The following BMX variants were observed in gnomAD, a reference collection of about 807,000 sequenced individuals.
BMX encodes the protein cytoplasmic tyrosine-protein kinase BMX.
A neutral mutation model predicts 59.2 loss-of-function variants in BMX; 31 were observed. The ratio of observed to expected loss-of-function variants is 0.52; its 90% CI spans 0.39 to 0.71. The LOEUF is 0.71. BMX is among the 30% of genes least tolerant of loss of function. The pLI is 0.00. For missense variants in BMX, 474 were observed against 491.7 expected (o/e 0.96, Z 0.34); for synonymous variants, 185 against 181.0 (o/e 1.02, Z -0.18).
At chrX:15,511,587 G>A in intron 4 of BMX, 69 bp downstream of exon 4, 24 of 889,291 alleles carry the variant, frequency 2.7e-5, no homozygotes, top group Non-Finnish European at 3.8e-5. Flanking sequence ...CGTTTTTTGA[G>A]GCTTGGTGGA....
chrX:15,505,458 C>A (rs1210772747), intron 1 of BMX, among the ~76,000 whole-genome samples: 1 of 111,723 alleles, frequency 9.0e-6, no homozygotes, highest in East Asian at 2.8e-4. Flanking sequence ...CAACATATTA[C>A]GGACTCAAGT....
chrX:15,541,588 A>G (rs1925685879), intron 14 of BMX, among the ~76,000 whole-genome samples: 1 of 111,835 alleles, frequency 8.9e-6, no homozygotes, highest in African/African-American at 3.2e-5. Flanking sequence ...TTTAGATGTG[A>G]AAGTTAATAA....
chrX:15,534,212 T>C lies in BMX; in HGVS notation c.1020T>C (p.Asn340=), dbSNP rs1601651847. The change falls in exon 12 of 19, where the codon AAT becomes AAC. Residue 340 remains asparagine, a splice_region_variant and synonymous_variant. Coordinates refer to ENST00000348343, the MANE Select transcript of BMX (RefSeq NM_203281.3). ...YTVSLFSKAV[N]DKKGTVKHYH... The stretch of plus-strand genomic sequence containing the variant: ...GTTCTAACATTCTTTCTGTTACTAG[T>C]GATAAAAAAGGAACTGTCAAACATT... 4 of 1,151,954 alleles carry C rather than the reference T, an allele frequency of 3.5e-6. No homozygotes were observed. The highest frequency in any genetic ancestry group is 2.6e-5 in the Admixed American group (1 of 38,398). The allele number at this position is 1,151,954 out of a possible 1,213,427, so 94.9% of individuals were successfully genotyped here.
At chrX:15,504,141 A>G (rs919211310) in intron 1 of BMX, among the ~76,000 whole-genome samples, 2 of 112,390 alleles carry the variant, frequency 1.8e-5, no homozygotes, top group African/African-American at 6.5e-5. Flanking sequence ...TACCTTAAGG[A>G]AAAAACAACT....
intron 18 of BMX, among the ~76,000 whole-genome samples, chrX:15,552,422 T>C (rs1926242187): frequency 8.9e-6 from 1 of 112,227 alleles, no homozygotes; most frequent in Admixed American, 9.4e-5. Context: ...CACTTTTGAA[T>C]AATGTTCTTT....
intron 3 of BMX, among the ~76,000 whole-genome samples, chrX:15,510,204 G>A (rs1192921061): frequency 1.8e-5 from 2 of 111,451 alleles, no homozygotes; most frequent in Non-Finnish European, 3.8e-5. Flanking sequence ...TTTTGGAAGT[G>A]GCCTAATCTA....
chrX:15,516,878 T>C (rs1924183697), intron 5 of BMX, among the ~76,000 whole-genome samples: 1 of 111,445 alleles, frequency 9.0e-6, no homozygotes, highest in Non-Finnish European at 1.9e-5. Context: ...GAGGGACTTA[T>C]ATGTATTTAA....
At chrX:15,509,500 A>C in intron 3 of BMX, 67 bp downstream of exon 3, 1 of 687,419 alleles carries the variant, frequency 1.5e-6, no homozygotes, top group Non-Finnish European at 2.1e-6. Context: ...CGTGAACTCA[A>C]TATATCTAGG....
chrX:15,527,151 G>A lies in BMX; in HGVS notation c.884+1056G>A, dbSNP rs780822157. On this transcript the variant is annotated intron_variant, in intron 9 of 18. Transcript: ENST00000348343. The stretch of plus-strand genomic sequence containing the variant: ...ACCTGCTATGGTGAGCCGAGATGGC[G>A]CCACTGCACTCCAGCCTGGGCGACA... Among the ~76,000 whole-genome samples, 9 of 77,949 alleles carry A rather than the reference G, an allele frequency of 1.2e-4. No homozygotes were observed. In the South Asian group the frequency reaches 4.5e-3, roughly 39 times the overall value. The allele number at this position is 77,949 out of a possible 115,157, so 67.7% of individuals were successfully genotyped here.
At chrX:15,501,402 C>G (rs1014730630) in intron 1 of BMX, among the ~76,000 whole-genome samples, 1 of 112,378 alleles carries the variant, frequency 8.9e-6, no homozygotes, top group African/African-American at 3.2e-5. Context: ...AATATTTGCT[C>G]TTAGGTTCCT....
At chrX:15,545,671 A>G (rs764853592) in intron 16 of BMX, among the ~76,000 whole-genome samples, 5 of 111,518 alleles carry the variant, frequency 4.5e-5, no homozygotes, top group African/African-American at 9.8e-5. Flanking sequence ...AGTATTTTCT[A>G]TCTATTGGGA....
intron 11 of BMX, among the ~76,000 whole-genome samples, chrX:15,532,876 A>C (rs1454045473): frequency 1.8e-5 from 2 of 112,555 alleles, no homozygotes; most frequent in African/African-American, 6.5e-5. Context: ...AATCAGGAGA[A>C]GACTTTGTTG....
rs1445914404 is a variant in BMX at position 15,556,405 on chromosome X, A to G, written c.*258A>G. 4 of 250,846 alleles carry G rather than the reference A, an allele frequency of 1.6e-5. No individual in the cohort carries two copies. Among genetic ancestry groups the G allele is most frequent in the Non-Finnish European group, 2.8e-5 (4 of 142,849 alleles). The allele number at this position is 250,846 out of a possible 1,213,427, so 20.7% of individuals were successfully genotyped here. On this transcript the variant is annotated 3_prime_UTR_variant, in exon 19 of 19. Transcript: ENST00000348343. Reference sequence around the variant, plus strand: ...CAGAAGCACATTTTCAGACTGCAATATAGAGACTGTGTTCATGTGTAAAGA... The same window carrying G: ...CAGAAGCACATTTTCAGACTGCAATGTAGAGACTGTGTTCATGTGTAAAGA...
chrX:15,511,395 G>A, intron 3 of BMX, 42 bp from the exon 4 acceptor site: 3 of 1,093,941 alleles, frequency 2.7e-6, no homozygotes, highest in Non-Finnish European at 3.7e-6. Flanking sequence ...AGTGAAGTAT[G>A]GTGCAATTAT....
intron 4 of BMX, among the ~76,000 whole-genome samples, chrX:15,512,728 G>C (rs992941229): frequency 8.9e-6 from 1 of 112,241 alleles, no homozygotes; most frequent in Non-Finnish European, 1.9e-5. Flanking sequence ...GAGCAGTCAC[G>C]AGCCACAGAT....
intron 18 of BMX, among the ~76,000 whole-genome samples, chrX:15,553,803 T>C (rs1016797623): frequency 9.0e-6 from 1 of 111,312 alleles, no homozygotes; most frequent in Non-Finnish European, 1.9e-5. Flanking sequence ...AGAACCTCCC[T>C]GGCCCTCCCT....
In BMX at chrX:15,546,813, G is replaced by A. The variant is rs1330394833; in HGVS notation, c.1687G>A (p.Asp563Asn). Residue 563 changes from aspartate (D) to asparagine (N), a missense_variant, in exon 17 of 19, where the codon GAT becomes AAT. Transcript: ENST00000348343. ...SDFGMTRYVLDDQYVSSVGTK... is the reference protein window; with the variant it reads ...SDFGMTRYVLNDQYVSSVGTK... ...TGTTTTCCCTGGCAGGTATGTTCTT[G>A]ATGACCAGTATGTCAGTTCAGTCGG... The A allele has an allele frequency of 2.5e-6, 3 of 1,206,883 alleles. No homozygotes were observed. Among genetic ancestry groups the A allele is most frequent in the Non-Finnish European group, 3.4e-6 (3 of 892,954 alleles).
At chrX:15,534,512 C>T (rs1396265280) in intron 12 of BMX, among the ~76,000 whole-genome samples, 173 bp downstream of exon 12, 2 of 111,293 alleles carry the variant, frequency 1.8e-5, no homozygotes, top group African/African-American at 6.5e-5. Flanking sequence ...AGGAATATAA[C>T]ATGATTCTCT....
chrX:15,540,081 G>C (rs1249210633), intron 14 of BMX, among the ~76,000 whole-genome samples: 2 of 111,908 alleles, frequency 1.8e-5, no homozygotes, highest in African/African-American at 6.5e-5. Context: ...CCAGTACTGG[G>C]TATATATTCA....
Sources: allele counts gnomAD v4.1 joint callset (sites outside exome capture counted in the v4.1 genomes callset), GRCh38; gene constraint gnomAD v4.1.1; transcripts MANE v1.5; gene names NCBI Gene and HGNC (gene_info 2026-07-23, HGNC 2026-07-21).